Variants in NRG1 observed in about 807,000 individuals in gnomAD.
The protein encoded by NRG1 is pro-neuregulin-1, membrane-bound isoform.
A neutral mutation model predicts 63.8 loss-of-function variants in NRG1; 18 were observed. The ratio of observed to expected loss-of-function variants is 0.28; its 90% CI spans 0.19 to 0.42. NRG1 has a LOEUF of 0.42. Among genes scored for constraint, NRG1 ranks in the 10% least tolerant of loss-of-function variants. NRG1 has a pLI of 1.00. For synonymous variants in NRG1, 302 were observed against 301.3 expected, an observed-to-expected ratio of 1.00 and a Z score of -0.02; for missense variants, 762 against 814.7, an observed-to-expected ratio of 0.94 and a Z score of 0.79.
intron 1 of NRG1, among the ~76,000 whole-genome samples, chr8:31,850,618 C>G (rs1013883049): frequency 6.6e-6 from 1 of 152,164 alleles, no homozygotes. Flanking sequence ...GCTTTCTGGC[C>G]TCTCTTGCCT....
At chr8:32,406,279 G>A (rs992374414) in intron 1 of NRG1, among the ~76,000 whole-genome samples, 4 of 152,170 alleles carry the variant, frequency 2.6e-5, no homozygotes, top group Admixed American at 2.6e-4. Flanking sequence ...TCGGGAACCA[G>A]ACTGTGTGGG....
At chr8:32,255,159 G>A (rs946037396) in intron 1 of NRG1, among the ~76,000 whole-genome samples, 1 of 152,154 alleles carries the variant, frequency 6.6e-6, no homozygotes, top group African/African-American at 2.4e-5. Context: ...CTGCCAGTCT[G>A]TGTCTTTAAT....
intron 1 of NRG1, among the ~76,000 whole-genome samples, chr8:32,289,157 T>C (rs931537028): frequency 1.3e-5 from 2 of 152,214 alleles, no homozygotes; most frequent in African/African-American, 4.8e-5. Context: ...TATTCGTCAA[T>C]GACTCCTTAA....
intron 1 of NRG1, among the ~76,000 whole-genome samples, chr8:31,939,375 A>G (rs1411760411): frequency 6.6e-6 from 1 of 152,184 alleles, no homozygotes; most frequent in African/African-American, 2.4e-5. Flanking sequence ...AGAATTCACC[A>G]TTACCAAGCC....
chr8:32,400,368 A>G (rs994164592), intron 1 of NRG1, among the ~76,000 whole-genome samples: 2 of 152,196 alleles, frequency 1.3e-5, no homozygotes, highest in African/African-American at 4.8e-5. Flanking sequence ...CTATAGTCTG[A>G]GCTACTTGGG....
intron 1 of NRG1, among the ~76,000 whole-genome samples, chr8:31,743,548 ATAT>A (rs1815518416): frequency 6.6e-6 from 1 of 151,564 alleles, no homozygotes; most frequent in Non-Finnish European, 1.5e-5. Flanking sequence ...TTTTTTCTAT[ATAT>A]TGTTTAATAT....
At chr8:31,689,164 A>G (rs888533177) in intron 1 of NRG1, among the ~76,000 whole-genome samples, 3 of 152,204 alleles carry the variant, frequency 2.0e-5, no homozygotes, top group African/African-American at 4.8e-5. Flanking sequence ...TTAAGGTCAC[A>G]TGATTAACAA....
chr8:32,404,126 A>G (rs2347514), intron 1 of NRG1, among the ~76,000 whole-genome samples: 147,070 of 152,294 alleles, frequency 0.97, 71,205 homozygotes, highest in East Asian at 1. Flanking sequence ...AGAGAAGCAG[A>G]TGAAGAGAGA....
chr8:32,741,555 C>T (rs752030397), intron 6 of NRG1, among the ~76,000 whole-genome samples: 1 of 151,954 alleles, frequency 6.6e-6, no homozygotes, highest in African/African-American at 2.4e-5. Flanking sequence ...ACATAAAACA[C>T]CCATGAAATA....
At chr8:32,589,083 A>G (rs115817558) in intron 1 of NRG1, among the ~76,000 whole-genome samples, 1 of 152,242 alleles carries the variant, frequency 6.6e-6, no homozygotes, top group East Asian at 1.9e-4. Context: ...ACCTAGCTGC[A>G]TTCCGAAATA....
rs147839932 is a variant in NRG1 at position 32,361,274 on chromosome 8, G to C, written c.38-234554G>C. 2.4e-4 allele frequency among the ~76,000 whole-genome samples: 37 copies of C among 152,226 alleles called. No individual in the cohort carries two copies. In the South Asian group the frequency reaches 3.1e-3, roughly 13 times the overall value. ...CCACATCAGAGTATTATATTAGAAT[G>C]TGTGTTTGGCATTTCTTTAGCAGAG... On this transcript the variant is annotated intron_variant, in intron 1 of 10. Coordinates refer to the NRG1 transcript ENST00000519301.
intron 1 of NRG1, among the ~76,000 whole-genome samples, chr8:32,243,740 C>T (rs187295524): frequency 3.3e-5 from 5 of 152,018 alleles, no homozygotes; most frequent in South Asian, 2.1e-4. Flanking sequence ...TGAGATGGGG[C>T]GTCTGTGAGG....
At chr8:32,691,105 T>C (rs573783301) in intron 5 of NRG1, among the ~76,000 whole-genome samples, 1 of 152,246 alleles carries the variant, frequency 6.6e-6, no homozygotes, top group Non-Finnish European at 1.5e-5. Context: ...GCACTTTGTG[T>C]TGACTTAGTG....
chr8:31,702,996 G>C (rs961158521), intron 1 of NRG1, among the ~76,000 whole-genome samples: 1 of 150,810 alleles, frequency 6.6e-6, no homozygotes, highest in African/African-American at 2.5e-5. Context: ...TTTGTTCTGT[G>C]AATCTCTATA....
At chr8:32,118,714 C>G (rs1180052139) in intron 1 of NRG1, among the ~76,000 whole-genome samples, 1 of 152,060 alleles carries the variant, frequency 6.6e-6, no homozygotes, top group African/African-American at 2.4e-5. Context: ...GATTATTTCT[C>G]TCTCACATGA....
At chr8:32,194,044 GC>G (rs750016489) in intron 1 of NRG1, among the ~76,000 whole-genome samples, 27 of 152,216 alleles carry the variant, frequency 1.8e-4, no homozygotes, top group Non-Finnish European at 3.7e-4. Context: ...TGTTATGACA[GC>G]CCTTGGAATT....
intron 1 of NRG1, among the ~76,000 whole-genome samples, chr8:32,275,891 A>G (rs1852050376): frequency 6.6e-6 from 1 of 152,088 alleles, no homozygotes; most frequent in African/African-American, 2.4e-5. Flanking sequence ...AAATTCTGCT[A>G]TTTCTTTCCT....
chr8:32,750,764 C>T (rs1478915891), intron 7 of NRG1, among the ~76,000 whole-genome samples: 4 of 151,576 alleles, frequency 2.6e-5, no homozygotes, highest in South Asian at 4.2e-4. Flanking sequence ...TGAGAAGCCC[C>T]CAGGTGCACG....
At chr8:32,277,807 T>C (rs1354281074) in intron 1 of NRG1, among the ~76,000 whole-genome samples, 1 of 152,216 alleles carries the variant, frequency 6.6e-6, no homozygotes, top group Admixed American at 6.5e-5. Flanking sequence ...ATGTCAGTAG[T>C]GCCACATTTG....
Sources: allele counts gnomAD v4.1 joint callset (sites outside exome capture counted in the v4.1 genomes callset), GRCh38; gene constraint gnomAD v4.1.1; transcripts MANE v1.5; gene names NCBI Gene and HGNC (gene_info 2026-07-23, HGNC 2026-07-21).